Variants in PCDHA9 observed in about 807,000 individuals in gnomAD.
PCDHA9 encodes protocadherin alpha-9.
A neutral mutation model predicts 62.0 loss-of-function variants in PCDHA9; 62 were observed. The ratio of observed to expected loss-of-function variants is 1.00; its 90% CI spans 0.81 to 1.23. The LOEUF is 1.23. Among genes scored for constraint, PCDHA9 ranks in the 50% most tolerant of loss-of-function variants. PCDHA9 has a pLI of 0.00. For missense variants in PCDHA9, 1,205 were observed against 1,249.8 expected, an observed-to-expected ratio of 0.96 and a Z score of 0.54; for synonymous variants, 557 against 567.6, an observed-to-expected ratio of 0.98 and a Z score of 0.27.
At chr5:140,975,363 G>T (rs1348174294) in intron 1 of PCDHA9, among the ~76,000 whole-genome samples, 3 of 152,220 alleles carry the variant, frequency 2.0e-5, no homozygotes, top group Non-Finnish European at 2.9e-5. Context: ...GTGCTACATA[G>T]CATAATGTAA....
At chr5:140,865,342 T>C (rs1437907469) in intron 1 of PCDHA9, 1 of 152,320 alleles carries the variant, frequency 6.6e-6, no homozygotes, top group African/African-American at 2.4e-5. Context: ...AAAGAAATAG[T>C]ATATTTACAT....
At chr5:140,985,062 T>C (rs2097134097) in intron 3 of PCDHA9, among the ~76,000 whole-genome samples, 1 of 152,058 alleles carries the variant, frequency 6.6e-6, no homozygotes, top group African/African-American at 2.4e-5. Flanking sequence ...CTCAGCCTCC[T>C]GAGTAGCTGA....
chr5:140,856,514 G>T (rs781942781), intron 1 of PCDHA9: 5 of 1,598,422 alleles, frequency 3.1e-6, no homozygotes, highest in Non-Finnish European at 3.4e-6. Context: ...ACTAGAAGGC[G>T]CATCTGATGC....
At position 141,010,191 on chromosome 5, in the gene PCDHA9, C is replaced by T; in HGVS notation, c.*254C>T. 1 of 1,552,476 alleles carries T rather than the reference C, an allele frequency of 6.4e-7. No homozygotes were observed. The highest frequency in any genetic ancestry group is 1.4e-5 in the African/African-American group (1 of 73,166). ...AACCTAAAAAGCAGACCCAAGTTTCCTTTCTCCTCCGCCGCAAAGGAGAGG... is the reference window on the plus strand; with the variant it reads ...AACCTAAAAAGCAGACCCAAGTTTCTTTTCTCCTCCGCCGCAAAGGAGAGG... On this transcript the variant is annotated 3_prime_UTR_variant, in exon 4 of 4. Transcript: ENST00000532602.
intron 1 of PCDHA9, chr5:140,884,480 A>T (rs782532542): frequency 7.4e-6 from 12 of 1,613,662 alleles, no homozygotes; most frequent in Non-Finnish European, 9.3e-6. Flanking sequence ...GGGCAAGCCC[A>T]CTCTAGTGTG....
At chr5:140,959,871 T>C (rs572861997) in intron 1 of PCDHA9, among the ~76,000 whole-genome samples, 1 of 152,322 alleles carries the variant, frequency 6.6e-6, no homozygotes, top group Admixed American at 6.5e-5. Flanking sequence ...GCAAAATCTG[T>C]CAAGGAATAC....
chr5:140,869,511 A>T (rs1160788033), intron 1 of PCDHA9: 4 of 1,614,076 alleles, frequency 2.5e-6, no homozygotes, highest in Non-Finnish European at 2.5e-6. Context: ...TCTCGCTCAG[A>T]GAACAAAAGC....
chr5:140,965,814 T>C (rs1423732818), intron 1 of PCDHA9, among the ~76,000 whole-genome samples: 1 of 152,224 alleles, frequency 6.6e-6, no homozygotes, highest in Non-Finnish European at 1.5e-5. Flanking sequence ...AAACAGAGCA[T>C]TTTAAACATT....
At chr5:140,869,313 A>G in intron 1 of PCDHA9, 1 of 1,613,732 alleles carries the variant, frequency 6.2e-7, no homozygotes, top group Non-Finnish European at 8.5e-7. Context: ...CGTCCAAAAC[A>G]CATGGGGACC....
At chr5:140,939,207 T>C (rs1013809748) in intron 1 of PCDHA9, among the ~76,000 whole-genome samples, 1 of 152,180 alleles carries the variant, frequency 6.6e-6, no homozygotes, top group Non-Finnish European at 1.5e-5. Context: ...GAATGTCACC[T>C]TCTTGCTGTC....
intron 1 of PCDHA9, among the ~76,000 whole-genome samples, chr5:140,895,531 A>T (rs1433375510): frequency 6.6e-6 from 1 of 152,016 alleles, no homozygotes; most frequent in Non-Finnish European, 1.5e-5. Flanking sequence ...TTCGTTTTTC[A>T]ATTGTTGAGT....
chr5:140,959,842 C>G (rs1219308136), intron 1 of PCDHA9, among the ~76,000 whole-genome samples: 2 of 152,118 alleles, frequency 1.3e-5, no homozygotes, highest in African/African-American at 4.8e-5. Context: ...ATGCCTGTAA[C>G]TGCTAAAGGA....
chr5:140,939,758 T>G (rs2092452335), intron 1 of PCDHA9, among the ~76,000 whole-genome samples: 1 of 152,234 alleles, frequency 6.6e-6, no homozygotes, highest in Non-Finnish European at 1.5e-5. Context: ...TGTCATTATA[T>G]AGTATTTCAG....
chr5:140,999,368 A>G (rs549083218), intron 3 of PCDHA9, among the ~76,000 whole-genome samples: 1 of 152,280 alleles, frequency 6.6e-6, no homozygotes, highest in African/African-American at 2.4e-5. Context: ...TCACAATCCC[A>G]TTAGATGGTT....
At chr5:140,928,074 C>T (rs781992001) in intron 1 of PCDHA9, 1 of 1,614,216 alleles carries the variant, frequency 6.2e-7, no homozygotes, top group Admixed American at 1.7e-5. Flanking sequence ...TTGACAACTA[C>T]TACAGCCTGC....
chr5:140,884,273 C>T (rs1554181411), intron 1 of PCDHA9: 2 of 1,613,468 alleles, frequency 1.2e-6, no homozygotes, highest in Admixed American at 3.3e-5. Context: ...GCTGTTGTCG[C>T]TGGTGGAGAG....
intron 1 of PCDHA9, chr5:140,852,075 A>G (rs2042230918): frequency 1.1e-6 from 1 of 900,346 alleles, no homozygotes; most frequent in Admixed American, 6.3e-5. Flanking sequence ...TCTTTCAGCT[A>G]TTTTATTTAA....
intron 1 of PCDHA9, among the ~76,000 whole-genome samples, chr5:140,963,916 T>A (rs186370400): frequency 2.0e-5 from 3 of 152,356 alleles, no homozygotes; most frequent in East Asian, 3.9e-4. Flanking sequence ...AAGCTTAGGC[T>A]AAGTAACATG....
intron 1 of PCDHA9, among the ~76,000 whole-genome samples, chr5:140,878,377 T>C (rs2057568265): frequency 6.6e-6 from 1 of 152,274 alleles, no homozygotes; most frequent in Non-Finnish European, 1.5e-5. Flanking sequence ...ATATGATGAA[T>C]GATTTTCTTC....
Sources: allele counts gnomAD v4.1 joint callset (sites outside exome capture counted in the v4.1 genomes callset), GRCh38; gene constraint gnomAD v4.1.1; transcripts MANE v1.5; gene names NCBI Gene and HGNC (gene_info 2026-07-23, HGNC 2026-07-21).